Variants in BID observed in about 807,000 individuals in gnomAD.
BID encodes BH3-interacting domain death agonist.
A neutral mutation model predicts 17.4 loss-of-function variants in BID; 19 were observed. The observed-to-expected ratio is 1.09, with a 90% CI of 0.76 to 1.60. The LOEUF is 1.60. Ranked by LOEUF, BID falls within the 40% of genes most tolerant of loss-of-function variation. BID has a pLI of 0.00. For missense variants in BID, 226 were observed against 256.0 expected, an observed-to-expected ratio of 0.88 and a Z score of 0.80; for synonymous variants, 108 against 102.8, an observed-to-expected ratio of 1.05 and a Z score of -0.31.
intron 3 of BID, chr22:17,739,800 C>T (rs2061445780): frequency 8.7e-6 from 5 of 577,810 alleles, no homozygotes; most frequent in South Asian, 4.1e-5. Flanking sequence ...AGCCTGGCAG[C>T]GGCTTCATGG....
rs745767890 is a variant in BID, at chr22:17,739,350, T to A, written c.362A>T (p.Glu121Val). The A allele has an allele frequency of 6.3e-7, 1 of 1,588,332 alleles. No individual in the cohort carries two copies. The stretch of plus-strand genomic sequence containing the variant: ...CGCGGTCCTCAGGCCCTCACTCACC[T>A]CCTCCGACCGGCTGGTGTTCCTGAG... ...LQLRNTSRSE[E>V]DRNRDLATAL... Residue 121 changes from glutamate (E) to valine (V), a missense_variant and splice_region_variant, in exon 4 of 6, where the codon GAG becomes GTG. Physicochemically the swap from Glu to Val is moderately radical, Grantham distance 121. Transcript: ENST00000622694.
In BID at chr22:17,773,546, C is replaced by T; in HGVS notation, c.-59+835G>A. 6.4e-7 allele frequency: 1 copy of T among 1,570,662 alleles called. No individual in the cohort carries two copies. Among genetic ancestry groups the T allele is most frequent in the African/African-American group, 1.4e-5 (1 of 73,986 alleles). ...GTGGGTCCATCTGCTCCTCACCTGC[C>T]CCAACCCTGCCTGCAGGTGAAGGCC... On this transcript the variant is annotated intron_variant, in intron 1 of 5. Coordinates refer to ENST00000622694, the MANE Select transcript of BID (RefSeq NM_001196.4). This position sits in a 1 kb window ranked among gnomAD's most constrained non-coding sequence, Gnocchi z 4.4.
rs1442645520 is a variant in BID at position 17,738,320 on chromosome 22, A to G, written c.364-91T>C. The G allele has an allele frequency of 5.8e-6, 7 of 1,210,974 alleles. No individual in the cohort carries two copies. In the East Asian group the frequency reaches 1.7e-4, roughly 29 times the overall value. 75.0% of individuals were successfully genotyped at this position (1,210,974 alleles called of 1,614,324 possible). On this transcript the variant is annotated intron_variant, in intron 4 of 5. Transcript: ENST00000622694. The stretch of plus-strand genomic sequence containing the variant: ...CCAGTATGAAGAAGCACTTCAAAGT[A>G]CTTATTAAGTATCCAGGGCTGCTGG...
intron 4 of BID, among the ~76,000 whole-genome samples, chr22:17,738,538 C>T (rs1235281928): frequency 1.3e-5 from 2 of 152,186 alleles, no homozygotes; most frequent in Admixed American, 6.5e-5. Context: ...CTAGTGACCA[C>T]CTGCGACGCC....
intron 3 of BID, chr22:17,741,289 TG>T (rs1470481047): frequency 1.3e-5 from 2 of 152,234 alleles, no homozygotes; most frequent in East Asian, 3.9e-4. Flanking sequence ...AGCTGTGCTC[TG>T]GGGGTTTCAC....
chr22:17,739,975 G>T, intron 3 of BID: 2 of 1,209,740 alleles, frequency 1.7e-6, no homozygotes, highest in Non-Finnish European at 2.4e-6. Context: ...ACTGGCACCG[G>T]CAAGGCCCTG....
intron 1 of BID, among the ~76,000 whole-genome samples, chr22:17,762,281 G>A (rs2061644785): frequency 1.3e-5 from 2 of 152,196 alleles, no homozygotes. Context: ...TGGATCACCT[G>A]AGGTCAGGAG....
chr22:17,751,066 C>T (rs567091123), intron 1 of BID, among the ~76,000 whole-genome samples: 3 of 151,852 alleles, frequency 2.0e-5, no homozygotes, highest in African/African-American at 7.2e-5. Flanking sequence ...GGCATCAGTA[C>T]AGTAAGCTGT....
chr22:17,734,276 A>AGAG lies in BID; in HGVS notation c.*1301_*1303dup, dbSNP rs1491190320. ...GTATGTATTGCATGCTGAACAATAT[A>AGAG]GAGTTTGTTTTTCCTTTCTGATGAT... On this transcript the variant is annotated 3_prime_UTR_variant, in exon 6 of 6. Transcript: ENST00000622694. The AGAG allele has an allele frequency of 1.3e-5, 2 of 152,072 alleles. No individual in the cohort carries two copies. Among genetic ancestry groups the AGAG allele is most frequent in the Non-Finnish European group, 2.9e-5 (2 of 67,970 alleles). 9.4% of individuals were successfully genotyped at this position (152,072 alleles called of 1,614,324 possible). A position where few individuals can be genotyped will look rare whatever the true frequency, so the allele number is the denominator to read the frequency against.
intron 1 of BID, 47 bp from the exon 2 acceptor site, chr22:17,750,221 G>A: frequency 1.3e-6 from 2 of 1,534,366 alleles, no homozygotes; most frequent in Non-Finnish European, 1.8e-6. Flanking sequence ...GGAAGCCCTG[G>A]TCAGGACCCC....
At chr22:17,756,410 CTCTTTCTTTCTTTCTTTCTTTCTTCTT>C (rs1346223583) in intron 1 of BID, among the ~76,000 whole-genome samples, 541 of 40,430 alleles carry the variant, frequency 0.013, 1 homozygote, top group South Asian at 0.024. Flanking sequence ...TTTCTTTTTT[CTCTTTCTTTCTTTCTTTCTTTCTTCTT>C]TCTTTCTTTC....
chr22:17,746,858 G>C (rs1345467199), intron 2 of BID, among the ~76,000 whole-genome samples: 1 of 152,122 alleles, frequency 6.6e-6, no homozygotes, highest in Non-Finnish European at 1.5e-5. Flanking sequence ...CTAGAACCGG[G>C]AGGGGATCCG....
At position 17,735,417 on chromosome 22, in the gene BID, G is replaced by C. The variant is rs2061412269; in HGVS notation, c.*163C>G. 3 of 731,862 alleles carry C rather than the reference G, an allele frequency of 4.1e-6. No homozygotes were observed. The highest frequency in any genetic ancestry group is 2.8e-5 in the Admixed American group (1 of 36,064). 45.3% of individuals were successfully genotyped at this position (731,862 alleles called of 1,614,324 possible). A position where few individuals can be genotyped will look rare whatever the true frequency, so the allele number is the denominator to read the frequency against. ...TATTAATGTAGATATTTTAAAGTGG[G>C]TTATAAGTTTAACATTGTCTTTAAA... On this transcript the variant is annotated 3_prime_UTR_variant, in exon 6 of 6. Transcript: ENST00000622694.
chr22:17,742,108 A>G (rs930901069), intron 3 of BID, among the ~76,000 whole-genome samples: 2 of 152,148 alleles, frequency 1.3e-5, no homozygotes, highest in African/African-American at 4.8e-5. Context: ...GGACTCACCA[A>G]AGAAACCCCG....
intron 2 of BID, among the ~76,000 whole-genome samples, chr22:17,747,012 G>A (rs1457025721): frequency 6.6e-6 from 1 of 152,234 alleles, no homozygotes; most frequent in African/African-American, 2.4e-5. Flanking sequence ...GAGCGGTGCT[G>A]CCACCACAGC....
At chr22:17,757,513 C>T (rs554876517) in intron 1 of BID, among the ~76,000 whole-genome samples, 28 of 151,454 alleles carry the variant, frequency 1.8e-4, no homozygotes, top group African/African-American at 4.8e-4. Context: ...TCCAGACCAT[C>T]CTGGCTAACA....
chr22:17,749,561 GATTT>G (rs1246219078), intron 2 of BID, among the ~76,000 whole-genome samples: 2 of 152,210 alleles, frequency 1.3e-5, no homozygotes, highest in African/African-American at 2.4e-5. Flanking sequence ...GACCTTTATT[GATTT>G]ATTTGCTCCT....
At chr22:17,748,486 C>G (rs572253322) in intron 2 of BID, among the ~76,000 whole-genome samples, 147 of 150,808 alleles carry the variant, frequency 9.7e-4, no homozygotes, top group Non-Finnish European at 1.9e-3. Context: ...CCAGCCTGGG[C>G]GACACAGAGA....
chr22:17,768,729 C>T (rs56134746), intron 1 of BID, among the ~76,000 whole-genome samples: 4,221 of 152,174 alleles, frequency 0.028, 70 homozygotes, highest in South Asian at 0.047. Flanking sequence ...AAAAATTAGC[C>T]GGCATGGTGG....
Sources: allele counts gnomAD v4.1 joint callset (sites outside exome capture counted in the v4.1 genomes callset), GRCh38; gene constraint gnomAD v4.1.1; non-coding constraint Gnocchi (gnomAD v3.1); transcripts MANE v1.5; gene names NCBI Gene and HGNC (gene_info 2026-07-23, HGNC 2026-07-21).